The following SRFBP1 variants were observed in gnomAD, a reference collection of about 807,000 sequenced individuals.
SRFBP1 encodes serum response factor binding protein 1, also known as serum response factor-binding protein 1.
A neutral mutation model predicts 45.5 loss-of-function variants in SRFBP1; 47 were observed. The ratio of observed to expected loss-of-function variants is 1.03; its 90% CI spans 0.82 to 1.32. The LOEUF (loss-of-function observed/expected upper bound fraction) is 1.32. Among genes scored for constraint, SRFBP1 ranks in the 40% most tolerant of loss-of-function variants. SRFBP1 has a pLI of 0.00. For missense variants in SRFBP1, 621 were observed against 484.6 expected (o/e 1.28, Z -2.64); for synonymous variants, 203 against 166.3 (o/e 1.22, Z -1.70).
intron 7 of SRFBP1, 26 bp from the exon 8 acceptor site, chr5:122,026,916 T>C: frequency 6.5e-7 from 1 of 1,536,608 alleles, no homozygotes; most frequent in Non-Finnish European, 8.9e-7. Flanking sequence ...TATATAGTTA[T>C]TATTATTTTT....
intron 4 of SRFBP1, among the ~76,000 whole-genome samples, chr5:121,995,048 C>A (rs534671616): frequency 1.3e-5 from 2 of 151,508 alleles, no homozygotes; most frequent in South Asian, 2.1e-4. Context: ...GACTTAGACT[C>A]CCATACAATA....
At chr5:121,967,759 C>T (rs751548228) in intron 1 of SRFBP1, among the ~76,000 whole-genome samples, 11 of 152,216 alleles carry the variant, frequency 7.2e-5, no homozygotes, top group Admixed American at 2.0e-4. Context: ...GGCTTGAGCC[C>T]GGGAGGGGGA....
At chr5:122,060,130 G>A (rs1386211424) in intron 2 of SRFBP1, among the ~76,000 whole-genome samples, 4 of 152,028 alleles carry the variant, frequency 2.6e-5, no homozygotes, top group East Asian at 1.9e-4. Flanking sequence ...ATCTGCAAAC[G>A]GGGAGGAAAG....
At chr5:122,066,202 C>CTAT (rs1306369201) in intron 2 of SRFBP1, 1 of 152,162 alleles carries the variant, frequency 6.6e-6, no homozygotes, top group Non-Finnish European at 1.5e-5. Flanking sequence ...CATTTCTCTG[C>CTAT]TATATAGTAA....
chr5:122,072,694 C>T (rs1754484780), intron 2 of SRFBP1, among the ~76,000 whole-genome samples: 1 of 151,914 alleles, frequency 6.6e-6, no homozygotes. Context: ...ATAAATCGCT[C>T]AATGCAAGAT....
downstream of SRFBP1, among the ~76,000 whole-genome samples, chr5:122,033,541 A>T (rs556285331): frequency 6.6e-6 from 1 of 151,316 alleles, no homozygotes; most frequent in Non-Finnish European, 1.5e-5. Flanking sequence ...ACTCACTGCA[A>T]CCTCTGCCTC....
intron 3 of SRFBP1, among the ~76,000 whole-genome samples, chr5:121,981,823 C>T (rs1038838319): frequency 2.0e-5 from 3 of 152,016 alleles, no homozygotes; most frequent in African/African-American, 7.2e-5. Context: ...TAGCAGTCTG[C>T]TTTCATGCCA....
At chr5:121,986,562 C>G (rs1290332541) in intron 3 of SRFBP1, among the ~76,000 whole-genome samples, 1 of 151,986 alleles carries the variant, frequency 6.6e-6, no homozygotes. Flanking sequence ...AATACATGAT[C>G]AATGTGGTTG....
At chr5:122,061,416 T>C (rs927799498) in intron 2 of SRFBP1, among the ~76,000 whole-genome samples, 2 of 150,534 alleles carry the variant, frequency 1.3e-5, no homozygotes, top group African/African-American at 4.8e-5. Context: ...TTTTTTTCTC[T>C]CTCCAAATTT....
At chr5:122,070,325 C>T (rs909907777) in intron 2 of SRFBP1, among the ~76,000 whole-genome samples, 4 of 152,034 alleles carry the variant, frequency 2.6e-5, no homozygotes, top group Non-Finnish European at 5.9e-5. Flanking sequence ...TGCATATTTT[C>T]CCCTGAAGTT....
At chr5:122,077,498 A>T (rs779247048), downstream of SRFBP1, 8 of 1,613,808 alleles carry the variant, frequency 5.0e-6, no homozygotes, top group South Asian at 8.8e-5. The surrounding 1 kb of genome is among the most constrained non-coding windows in gnomAD (Gnocchi z 4.9). Flanking sequence ...CATGCCGTCC[A>T]CGCGGCTGGG....
chr5:121,999,079 A>G (rs887429727), intron 4 of SRFBP1, among the ~76,000 whole-genome samples: 4 of 152,166 alleles, frequency 2.6e-5, no homozygotes, highest in Non-Finnish European at 5.9e-5. Context: ...AGCTTAAATT[A>G]CTGGTTTTAG....
chr5:121,963,841 A>G (rs1040413969), intron 1 of SRFBP1, among the ~76,000 whole-genome samples: 1 of 152,114 alleles, frequency 6.6e-6, no homozygotes, highest in Non-Finnish European at 1.5e-5. Context: ...GGAGGATATT[A>G]TAATTTAAAA....
intron 2 of SRFBP1, among the ~76,000 whole-genome samples, chr5:122,072,991 G>C (rs1480272244): frequency 6.6e-6 from 1 of 152,192 alleles, no homozygotes; most frequent in Non-Finnish European, 1.5e-5. Flanking sequence ...TCTTTCTTAA[G>C]TAAGTACTGT....
chr5:122,024,933 TTTTTG>T (rs926688175), intron 7 of SRFBP1, among the ~76,000 whole-genome samples: 159 of 152,148 alleles, frequency 1.0e-3, no homozygotes, highest in African/African-American at 3.3e-3. Flanking sequence ...ATGAAACAGG[TTTTTG>T]TTTTGTTTTG....
chr5:122,077,052 C>G (rs41529549), downstream of SRFBP1: 2 of 1,602,482 alleles, frequency 1.2e-6, no homozygotes, highest in East Asian at 2.2e-5. This position sits in a 1 kb window ranked among gnomAD's most constrained non-coding sequence, Gnocchi z 4.9. Context: ...CGGCGCCCCC[C>G]GCTCCAACTC....
downstream of SRFBP1, chr5:122,077,723 C>A: frequency 6.3e-7 from 1 of 1,582,516 alleles, no homozygotes; most frequent in Non-Finnish European, 8.6e-7. This position sits in a 1 kb window ranked among gnomAD's most constrained non-coding sequence, Gnocchi z 4.9. Context: ...GATCGGAGTG[C>A]GGGGCTGCTG....
At chr5:122,006,968 T>C (rs1752988257) in intron 4 of SRFBP1, among the ~76,000 whole-genome samples, 1 of 152,096 alleles carries the variant, frequency 6.6e-6, no homozygotes, top group South Asian at 2.1e-4. Flanking sequence ...TCTTAGGTTT[T>C]TTCTGTCTCT....
At chr5:122,025,554 T>A (rs1753463088) in intron 7 of SRFBP1, among the ~76,000 whole-genome samples, 1 of 152,202 alleles carries the variant, frequency 6.6e-6, no homozygotes, top group South Asian at 2.1e-4. Flanking sequence ...TCCACAATGG[T>A]TGAACTAGTT....
Sources: gnomAD v4.1 joint callset for allele counts (sites outside exome capture counted in the v4.1 genomes callset) on GRCh38, gnomAD v4.1.1 for gene constraint, Gnocchi (gnomAD v3.1) non-coding constraint, MANE v1.5 for transcripts, NCBI Gene and HGNC (gene_info 2026-07-23, HGNC 2026-07-21) for gene names.